AHCTF1: variants seen among roughly 807,000 people sequenced by gnomAD.
AHCTF1 encodes the protein protein ELYS.
AHCTF1 carries 24 observed loss-of-function variants against 248.4 expected under a neutral mutation model. The ratio of observed to expected loss-of-function variants is 0.10; its 90% CI spans 0.07 to 0.14. The LOEUF is 0.14. AHCTF1 is among the 10% of genes least tolerant of loss of function. The pLI is 1.00. For synonymous variants in AHCTF1, 786 were observed against 929.8 expected (o/e 0.85, Z 2.81); for missense variants, 2,206 against 2,636.2 (o/e 0.84, Z 3.57).
chr1:246,889,665 CTAAA>C, intron 17 of AHCTF1, among the ~76,000 whole-genome samples: 1 of 152,156 alleles, frequency 6.6e-6, no homozygotes, highest in Non-Finnish European at 1.5e-5. Flanking sequence ...TGGCACTGCT[CTAAA>C]TGTTATATGC....
At chr1:246,869,047 T>C (rs1024053017) in intron 24 of AHCTF1, among the ~76,000 whole-genome samples, 1 of 151,606 alleles carries the variant, frequency 6.6e-6, no homozygotes, top group African/African-American at 2.4e-5. Flanking sequence ...GGTTTCACCA[T>C]GTTGGCCAGG....
intron 2 of AHCTF1, among the ~76,000 whole-genome samples, chr1:246,917,151 G>A (rs1439142621): frequency 6.6e-6 from 1 of 152,194 alleles, no homozygotes; most frequent in Non-Finnish European, 1.5e-5. Flanking sequence ...GAAGCACAGA[G>A]TAGCCGCACT....
rs143060611 is a variant in AHCTF1, at chr1:246,889,528, C to A, written c.2144+438G>T. On this transcript the variant is annotated intron_variant, in intron 17 of 35. Coordinates refer to ENST00000648844, the MANE Select transcript of AHCTF1 (RefSeq NM_001323342.2). ...TCAATCTCCCAAGCTAATGTTCACTCTCCTAAATTGGTCATTCTAAAGCAC... is the reference window on the plus strand; with the variant it reads ...TCAATCTCCCAAGCTAATGTTCACTATCCTAAATTGGTCATTCTAAAGCAC... Among the ~76,000 whole-genome samples, 4 of 152,326 alleles carry A rather than the reference C, an allele frequency of 2.6e-5. No homozygotes were observed. The East Asian group carries it at 7.7e-4, about 29-fold the overall frequency.
rs891402307 is a variant in AHCTF1, at chr1:246,867,431, T to A, written c.3240-80A>T. ...TGGATGAGATGGGAGAACAGAGGGT[T>A]TTCATTCGTTTTACTTTGTACAGTT... On this transcript the variant is annotated intron_variant, in intron 25 of 35. Coordinates refer to ENST00000648844, the MANE Select transcript of AHCTF1 (RefSeq NM_001323342.2). 3 of 1,032,954 alleles carry A rather than the reference T, an allele frequency of 2.9e-6. No homozygotes were observed. The African/African-American group carries it at 4.9e-5, about 17-fold the overall frequency. 64.0% of individuals were successfully genotyped at this position (1,032,954 alleles called of 1,614,324 possible).
intron 19 of AHCTF1, among the ~76,000 whole-genome samples, chr1:246,887,676 A>G (rs950533039): frequency 1.3e-5 from 2 of 152,254 alleles, no homozygotes; most frequent in Non-Finnish European, 2.9e-5. Flanking sequence ...AGATCTAGCA[A>G]AAGATGGCAG....
At chr1:246,916,120 A>G in intron 3 of AHCTF1, 22 bp downstream of exon 3, 1 of 1,603,768 alleles carries the variant, frequency 6.2e-7, no homozygotes, top group Non-Finnish European at 8.5e-7. Flanking sequence ...AGAAATGTCC[A>G]GGTATCTTAA....
chr1:246,889,215 T>C (rs1393715400), intron 17 of AHCTF1, among the ~76,000 whole-genome samples: 3 of 152,214 alleles, frequency 2.0e-5, no homozygotes, highest in Non-Finnish European at 4.4e-5. Context: ...CGAATATCTA[T>C]TGCTGAGTGC....
chr1:246,878,381 A>G lies in AHCTF1; in HGVS notation c.2661-1079T>C, dbSNP rs180975219. On this transcript the variant is annotated intron_variant, in intron 21 of 35. Transcript: ENST00000648844. Reference sequence around the variant, plus strand: ...TACTGCACTCCAGCCTGGCAGACAGAGCAAGATTCTGTCTCAAAAAAAAAA... The same window carrying G: ...TACTGCACTCCAGCCTGGCAGACAGGGCAAGATTCTGTCTCAAAAAAAAAA... Among the ~76,000 whole-genome samples the G allele has an allele frequency of 1.5e-3, 201 of 134,498 alleles. 2 individuals are homozygous for G. Among genetic ancestry groups the G allele is most frequent in the African/African-American group, 5.4e-3 (190 of 35,450 alleles). 88.2% of individuals were successfully genotyped at this position (134,498 alleles called of 152,430 possible).
chr1:246,867,514 T>A (rs1384656599), intron 25 of AHCTF1, 147 bp downstream of exon 25: 6 of 1,153,478 alleles, frequency 5.2e-6, no homozygotes, highest in Non-Finnish European at 7.3e-6. Context: ...TAAAAATTCT[T>A]CTCAGAAACA....
chr1:246,843,647 T>C, intron 34 of AHCTF1, 148 bp downstream of exon 34: 1 of 689,334 alleles, frequency 1.5e-6, no homozygotes. Flanking sequence ...GCTTTTGGTA[T>C]GCATGACTGT....
chr1:246,917,270 A>C (rs1034842409), intron 2 of AHCTF1, among the ~76,000 whole-genome samples: 1 of 152,216 alleles, frequency 6.6e-6, no homozygotes, highest in Non-Finnish European at 1.5e-5. Context: ...AATGAGACAC[A>C]GGGAGGTGAG....
At chr1:246,877,395 G>A in intron 21 of AHCTF1, 93 bp from the exon 22 acceptor site, 7 of 1,278,642 alleles carry the variant, frequency 5.5e-6, no homozygotes, top group Non-Finnish European at 7.4e-6. Flanking sequence ...AAGATACTTT[G>A]TAAAGTATCT....
At chr1:246,901,892 A>G (rs575103170) in intron 8 of AHCTF1, among the ~76,000 whole-genome samples, 68 of 152,350 alleles carry the variant, frequency 4.5e-4, no homozygotes, top group African/African-American at 1.5e-3. Flanking sequence ...TGCTTTTCAC[A>G]TATTTAACTG....
chr1:246,881,861 A>AC (rs1311131747), intron 21 of AHCTF1, among the ~76,000 whole-genome samples: 100 of 149,324 alleles, frequency 6.7e-4, no homozygotes, highest in Non-Finnish European at 1.2e-3. Flanking sequence ...AAAAAAAAAA[A>AC]CAAAAAAAAA....
At chr1:246,906,814 GA>G (rs1665426773) in intron 5 of AHCTF1, among the ~76,000 whole-genome samples, 1 of 152,126 alleles carries the variant, frequency 6.6e-6, no homozygotes, top group Non-Finnish European at 1.5e-5. Context: ...TTTGACAGCA[GA>G]AAAAATTTAA....
chr1:246,882,601 G>C (rs181492346), intron 21 of AHCTF1, among the ~76,000 whole-genome samples: 1 of 152,288 alleles, frequency 6.6e-6, no homozygotes, highest in East Asian at 1.9e-4. Flanking sequence ...TATCCAACCT[G>C]AGTTAAAAGG....
intron 35 of AHCTF1, among the ~76,000 whole-genome samples, chr1:246,841,848 G>C (rs1369543331): frequency 1.3e-5 from 2 of 152,016 alleles, no homozygotes; most frequent in Non-Finnish European, 2.9e-5. Context: ...CTGGAGTGCA[G>C]TGGCGTGATC....
chr1:246,877,100 A>G lies in AHCTF1; in HGVS notation c.2806-19T>C. On this transcript the variant is annotated intron_variant, in intron 22 of 35. Coordinates refer to ENST00000648844, the MANE Select transcript of AHCTF1 (RefSeq NM_001323342.2). Reference sequence around the variant, plus strand: ...AACATTCCTAAAAAGAACAAAATAGATTGTAAACTACCAATTTATCTTGAA... The same window carrying G: ...AACATTCCTAAAAAGAACAAAATAGGTTGTAAACTACCAATTTATCTTGAA... 3.1e-6 allele frequency: 5 copies of G among 1,612,302 alleles called. No individual in the cohort carries two copies. Among genetic ancestry groups the G allele is most frequent in the South Asian group, 1.1e-5 (1 of 90,988 alleles).
At chr1:246,843,688 CAA>C in intron 34 of AHCTF1, 105 bp downstream of exon 34, 1 of 938,708 alleles carries the variant, frequency 1.1e-6, no homozygotes, top group Non-Finnish European at 1.4e-6. Context: ...AAATAATAAA[CAA>C]AATTTAAAAT....
Sources: allele counts gnomAD v4.1 joint callset (sites outside exome capture counted in the v4.1 genomes callset), GRCh38; gene constraint gnomAD v4.1.1; transcripts MANE v1.5; gene names NCBI Gene and HGNC (gene_info 2026-07-23, HGNC 2026-07-21).